The following DISP3 variants were observed in gnomAD, a reference collection of about 807,000 sequenced individuals.
The protein encoded by DISP3 is dispatched RND transporter family member 3, also known as protein dispatched homolog 3.
DISP3 carries 101 observed loss-of-function variants against 135.3 expected under a neutral mutation model. The ratio of observed to expected loss-of-function variants is 0.75; its 90% CI spans 0.64 to 0.88. DISP3 has a LOEUF of 0.88. Among genes scored for constraint, DISP3 ranks in the 40% least tolerant of loss-of-function variants. DISP3 has a pLI of 0.00. For synonymous variants in DISP3, 856 were observed against 817.0 expected (o/e 1.05, Z -0.81); for missense variants, 1,713 against 1,878.6 (o/e 0.91, Z 1.63).
At position 11,536,385 on chromosome 1, in the gene DISP3, T is replaced by C; in HGVS notation, c.3878T>C (p.Ile1293Thr). The change falls in exon 21 of 21, where the codon ATC becomes ACC. Residue 1293 changes from isoleucine (I) to threonine (T), a missense_variant. Coordinates refer to ENST00000294484, the MANE Select transcript of DISP3 (RefSeq NM_020780.2). This position sits in a 1 kb window ranked among gnomAD's most constrained non-coding sequence, Gnocchi z 4.3. Reference sequence around the variant, plus strand: ...GCCGTGCGGCACGTGGGCGTGGCCATCGTCTCCAGTGCCCTCACCACGGTC... The same window carrying C: ...GCCGTGCGGCACGTGGGCGTGGCCACCGTCTCCAGTGCCCTCACCACGGTC... ...LEAVRHVGVAIVSSALTTVIA... is the reference protein window; with the variant it reads ...LEAVRHVGVATVSSALTTVIA... The C allele has an allele frequency of 6.2e-7, 1 of 1,610,598 alleles. No individual in the cohort carries two copies. The highest frequency in any genetic ancestry group is 8.5e-7 in the Non-Finnish European group (1 of 1,179,910).
Position 11,535,013 on chromosome 1 carries a change from G to A in DISP3, c.3538G>A (p.Val1180Met). The A allele has an allele frequency of 1.3e-6, 2 of 1,578,768 alleles. No individual in the cohort carries two copies. The highest frequency in any genetic ancestry group is 1.7e-6 in the Non-Finnish European group (2 of 1,165,846). The part of the protein sequence containing the change: ...WKQIFMEIVG[V>M]QSALCGLVLS... ...TGAGGCCCTGTCCTCCCTTGCAGGG[G>A]TGCAGAGCGCCCTGTGCGGCCTGGT... Residue 1180 changes from valine to methionine, a missense_variant and splice_region_variant, in exon 19 of 21, where the codon GTG (valine) becomes ATG (methionine). Around this residue, in one of 2 missense-constraint regions of DISP3, gnomAD observed 1,142 missense variants for 1,384.6 expected, o/e 0.82. Transcript: ENST00000294484.
intron 17 of DISP3, among the ~76,000 whole-genome samples, chr1:11,533,176 CT>C (rs1485161391): frequency 6.6e-6 from 1 of 151,686 alleles, no homozygotes; most frequent in African/African-American, 2.4e-5. Flanking sequence ...CACCATTCTA[CT>C]TTCTCCATGA....
intron 1 of DISP3, among the ~76,000 whole-genome samples, chr1:11,485,899 T>C (rs1204164525): frequency 2.0e-5 from 3 of 152,198 alleles, no homozygotes; most frequent in Non-Finnish European, 2.9e-5. Context: ...GCACAAGGAC[T>C]GAGCCCCACA....
chr1:11,497,676 C>T (rs181519167), intron 1 of DISP3, among the ~76,000 whole-genome samples: 1 of 152,348 alleles, frequency 6.6e-6, no homozygotes, highest in East Asian at 1.9e-4. Context: ...GCATGAGCCA[C>T]CGCACCCGGC....
Position 11,529,652 on chromosome 1 carries a change from T to C in DISP3, c.2895T>C (p.Pro965=). ...TGCTTAGCTCCAGCCCCGATGGGCCTACCAAAGGCTTCTTCTTCGTGCCTA... is the reference window on the plus strand; with the variant it reads ...TGCTTAGCTCCAGCCCCGATGGGCCCACCAAAGGCTTCTTCTTCGTGCCTA... ...GCLLSSSPDG[P]TKGFFFVPSE... is the part of the protein sequence containing the mutation. Residue 965 remains proline, a synonymous_variant, in exon 14 of 21, where the codon CCT becomes CCC. Coordinates refer to ENST00000294484, the MANE Select transcript of DISP3 (RefSeq NM_020780.2). The surrounding 1 kb of genome is among the most constrained non-coding windows in gnomAD (Gnocchi z 4.7). 6.2e-7 allele frequency: 1 copy of C among 1,608,612 alleles called. No individual in the cohort carries two copies. The highest frequency in any genetic ancestry group is 8.5e-7 in the Non-Finnish European group (1 of 1,175,738).
chr1:11,484,249 A>G (rs1269048923), intron 1 of DISP3, among the ~76,000 whole-genome samples: 1 of 152,186 alleles, frequency 6.6e-6, no homozygotes, highest in Non-Finnish European at 1.5e-5. Flanking sequence ...GCCTGAGGCT[A>G]GAGAGGTCAA....
rs1174790491 is a variant in DISP3 at position 11,499,135 on chromosome 1, G to A, written c.-3-1855G>A. ...AGGGGACGGGGATGGCATTCCTGGT[G>A]GAATAGCAATGGGATCAAGGGGCCT... On this transcript the variant is annotated intron_variant, in intron 1 of 20. Coordinates refer to ENST00000294484, the MANE Select transcript of DISP3 (RefSeq NM_020780.2). The surrounding 1 kb of genome is among the most constrained non-coding windows in gnomAD (Gnocchi z 5.2). Among the ~76,000 whole-genome samples, 2 of 152,126 alleles carry A rather than the reference G, an allele frequency of 1.3e-5. No individual in the cohort carries two copies. The highest frequency in any genetic ancestry group is 3.9e-4 in the East Asian group (2 of 5,188).
chr1:11,515,287 C>T, intron 4 of DISP3, 82 bp from the exon 5 acceptor site: 1 of 1,540,726 alleles, frequency 6.5e-7, no homozygotes, highest in Non-Finnish European at 8.9e-7. Context: ...AGACAGGACC[C>T]AGCTGAGGTC....
intron 15 of DISP3, among the ~76,000 whole-genome samples, 154 bp downstream of exon 15, chr1:11,530,113 G>C (rs1275910736): frequency 6.6e-6 from 1 of 152,200 alleles, no homozygotes; most frequent in East Asian, 1.9e-4. Context: ...GGGCCCCTGG[G>C]GGTCCGGTTT....
intron 1 of DISP3, among the ~76,000 whole-genome samples, chr1:11,480,987 G>C (rs566694409): frequency 1.3e-5 from 2 of 150,436 alleles, no homozygotes; most frequent in Non-Finnish European, 2.9e-5. Context: ...ATCAGGGTCC[G>C]CATTCTTTGC....
chr1:11,515,278 G>A (rs1284050749), intron 4 of DISP3, 91 bp from the exon 5 acceptor site: 2 of 1,503,894 alleles, frequency 1.3e-6, no homozygotes, highest in African/African-American at 2.8e-5. Flanking sequence ...GGGGAGAAGA[G>A]ACAGGACCCA....
chr1:11,515,363 G>T lies in DISP3; in HGVS notation c.1454-6G>T, dbSNP rs1182371638. ...ACCGTCTCCCTGTGTCTCTTACCCT[G>T]CCCAGTGTTCCTGTCCTTCTTTGGG... On this transcript the variant is annotated splice_region_variant and splice_polypyrimidine_tract_variant and intron_variant, in intron 4 of 20. Coordinates refer to ENST00000294484, the MANE Select transcript of DISP3 (RefSeq NM_020780.2). The T allele has an allele frequency of 6.2e-7, 1 of 1,614,070 alleles. No homozygotes were observed. Among genetic ancestry groups the T allele is most frequent in the Non-Finnish European group, 8.5e-7 (1 of 1,180,008 alleles).
chr1:11,501,250 G>A lies in DISP3; in HGVS notation c.258G>A (p.Met86Ile). 6.2e-7 allele frequency: 1 copy of A among 1,614,162 alleles called. No individual in the cohort carries two copies. Among genetic ancestry groups the A allele is most frequent in the Non-Finnish European group, 8.5e-7 (1 of 1,180,020 alleles). ...LVLFLGCSIP[M>I]ALSAFMFLYY... Reference sequence around the variant, plus strand: ...TCTTCCTGGGCTGCAGCATCCCCATGGCCCTGTCAGCCTTCATGTTCCTTT... The same window carrying A: ...TCTTCCTGGGCTGCAGCATCCCCATAGCCCTGTCAGCCTTCATGTTCCTTT... Residue 86 changes from methionine to isoleucine, a missense_variant, in exon 2 of 21, where the codon ATG becomes ATA. Coordinates refer to ENST00000294484, the MANE Select transcript of DISP3 (RefSeq NM_020780.2). This position sits in a 1 kb window ranked among gnomAD's most constrained non-coding sequence, Gnocchi z 4.9.
chr1:11,537,225 C>G lies in DISP3; in HGVS notation c.*539C>G, dbSNP rs1265427882. 2 of 154,252 alleles carry G rather than the reference C, an allele frequency of 1.3e-5. No homozygotes were observed. The highest frequency in any genetic ancestry group is 1.4e-5 in the Non-Finnish European group (1 of 69,600). The allele number at this position is 154,252 out of a possible 1,614,324, so 9.6% of individuals were successfully genotyped here. A position where few individuals can be genotyped will look rare whatever the true frequency, so the allele number is the denominator to read the frequency against. ...CCTCTCACCCCCTAACCCCGCCCCC[C>G]CGCAACCCTCCCCTTCAGCTTTACG... is the stretch of plus-strand genomic sequence containing the variant. On this transcript the variant is annotated 3_prime_UTR_variant, in exon 21 of 21. Coordinates refer to ENST00000294484, the MANE Select transcript of DISP3 (RefSeq NM_020780.2).
intron 13 of DISP3, among the ~76,000 whole-genome samples, chr1:11,527,734 C>A (rs1366774102): frequency 6.6e-6 from 1 of 152,132 alleles, no homozygotes; most frequent in Non-Finnish European, 1.5e-5. Context: ...TACCAGGCCC[C>A]TTTCCATCTC....
At chr1:11,513,127 T>TA (rs1195286281) in intron 3 of DISP3, among the ~76,000 whole-genome samples, 12 of 151,440 alleles carry the variant, frequency 7.9e-5, no homozygotes, top group East Asian at 2.0e-4. Context: ...TACTAAAAAA[T>TA]AAAAAAAATC....
In DISP3 at chr1:11,529,928, G is replaced by A. The variant is rs762520292; in HGVS notation, c.3071G>A (p.Arg1024Gln). Residue 1024 changes from arginine (R) to glutamine (Q), a missense_variant, in exon 15 of 21, where the codon CGG becomes CAG. Physicochemically the swap from Arg to Gln is conservative, Grantham distance 43 (BLOSUM62 1). Around this residue, in one of 2 missense-constraint regions of DISP3, gnomAD observed 1,142 missense variants for 1,384.6 expected, o/e 0.82. Transcript: ENST00000294484. The surrounding 1 kb of genome is among the most constrained non-coding windows in gnomAD (Gnocchi z 4.7). ...GGCATTATTGGCGTCAACCGCACTCGGCAGGTGGACAACCACGTCATTGGA... is the reference window on the plus strand; with the variant it reads ...GGCATTATTGGCGTCAACCGCACTCAGCAGGTGGACAACCACGTCATTGGA... ...VFGIIGVNRT[R>Q]QVDNHVIGDP... The A allele has an allele frequency of 1.9e-5, 30 of 1,613,568 alleles. No homozygotes were observed. In the South Asian group the frequency reaches 2.2e-4, roughly 12 times the overall value.
At chr1:11,500,577 A>T (rs1641475867) in intron 1 of DISP3, among the ~76,000 whole-genome samples, 1 of 152,178 alleles carries the variant, frequency 6.6e-6, no homozygotes, top group Non-Finnish European at 1.5e-5. Flanking sequence ...ACAGCTGCTC[A>T]TTAAATGAGA....
rs1553157603 is a variant in DISP3, at chr1:11,533,728, G to GACATGCATGCAC, written c.3376-650_3376-649insTGCATGCACACA. 8 of 66,930 alleles carry GACATGCATGCAC rather than the reference G, an allele frequency of 1.2e-4. No individual in the cohort carries two copies. In the East Asian group the frequency reaches 1.4e-3, roughly 12 times the overall value. 4.1% of individuals were successfully genotyped at this position (66,930 alleles called of 1,614,324 possible). On this transcript the variant is annotated intron_variant, in intron 17 of 20. Coordinates refer to ENST00000294484, the MANE Select transcript of DISP3 (RefSeq NM_020780.2). ...TCCAAGCTGACCCCACCAGCACTCAGACACGCATGCACACACACACGCAGA... is the reference window on the plus strand; with the variant it reads ...TCCAAGCTGACCCCACCAGCACTCAGACATGCATGCACACACGCATGCACACACACACGCAGA...
Sources: gnomAD v4.1 joint callset for allele counts (sites outside exome capture counted in the v4.1 genomes callset) on GRCh38, gnomAD v4.1.1 for gene constraint, gnomAD v4.1.1 regional missense constraint, Gnocchi (gnomAD v3.1) non-coding constraint, MANE v1.5 for transcripts, NCBI Gene and HGNC (gene_info 2026-07-23, HGNC 2026-07-21) for gene names.